NRG3: variants seen among roughly 807,000 people sequenced by gnomAD.
NRG3 encodes the protein pro-neuregulin-3, membrane-bound isoform.
A neutral mutation model predicts 66.9 loss-of-function variants in NRG3; 31 were observed. That is an observed-to-expected ratio of 0.46 (90% CI 0.35 to 0.63). The LOEUF (loss-of-function observed/expected upper bound fraction) is 0.63, where lower values mean the gene tolerates loss of function less well. Ranked by LOEUF, NRG3 falls within the 20% of genes least tolerant of loss-of-function variation. The pLI is 0.00. For missense variants in NRG3, 910 were observed against 878.9 expected (o/e 1.04, Z -0.45); for synonymous variants, 393 against 359.4 (o/e 1.09, Z -1.06).
At position 82,217,829 on chromosome 10, in the gene NRG3, G is replaced by T. The variant is rs114204625; in HGVS notation, c.824-140910G>T. On this transcript the variant is annotated intron_variant, in intron 1 of 8. Coordinates refer to ENST00000372141, the MANE Select transcript of NRG3 (RefSeq NM_001010848.4). Reference sequence around the variant, plus strand: ...GGCAGTAATACATCCTTTGAAGAATGAAGTGTTATTAAAATTTCATTCCAT... The same window carrying T: ...GGCAGTAATACATCCTTTGAAGAATTAAGTGTTATTAAAATTTCATTCCAT... Among the ~76,000 whole-genome samples the T allele has an allele frequency of 8.6e-3, 1,304 of 152,188 alleles. 22 individuals carry two copies. The highest frequency in any genetic ancestry group is 0.029 in the African/African-American group (1,224 of 41,510).
chr10:82,567,734 C>A (rs1195780790), intron 2 of NRG3, among the ~76,000 whole-genome samples: 2 of 151,946 alleles, frequency 1.3e-5, no homozygotes, highest in Non-Finnish European at 2.9e-5. Context: ...ATTGAATTGT[C>A]CTAAATCCTG....
chr10:82,169,736 T>G (rs570586692), intron 1 of NRG3, among the ~76,000 whole-genome samples: 1 of 151,992 alleles, frequency 6.6e-6, no homozygotes, highest in South Asian at 2.1e-4. Flanking sequence ...TAATATTCAT[T>G]TATTTTTATT....
intron 1 of NRG3, among the ~76,000 whole-genome samples, chr10:82,287,926 C>T (rs533698209): frequency 2.4e-4 from 37 of 152,280 alleles, no homozygotes; most frequent in Admixed American, 5.9e-4. Flanking sequence ...TCATGATTAT[C>T]GGGAGTAAAT....
chr10:82,440,872 G>C (rs2090399616), intron 2 of NRG3, among the ~76,000 whole-genome samples: 1 of 152,124 alleles, frequency 6.6e-6, no homozygotes. Context: ...TAAATCTTAA[G>C]AGCAATCCAA....
At chr10:82,452,827 A>T (rs978719469) in intron 2 of NRG3, among the ~76,000 whole-genome samples, 8 of 152,162 alleles carry the variant, frequency 5.3e-5, no homozygotes, top group Admixed American at 2.6e-4. Context: ...TTTGCCCAAC[A>T]TCCATTGAGC....
chr10:82,830,048 C>T (rs1265459718), intron 3 of NRG3, among the ~76,000 whole-genome samples: 2 of 152,148 alleles, frequency 1.3e-5, no homozygotes, highest in African/African-American at 4.8e-5. Context: ...GATCTTTGAT[C>T]CAAGTTAAAG....
chr10:82,366,889 C>T (rs2135698477), intron 2 of NRG3, among the ~76,000 whole-genome samples: 1 of 152,170 alleles, frequency 6.6e-6, no homozygotes, highest in East Asian at 1.9e-4. Context: ...TTCTTAATGG[C>T]ATAAAATAAA....
At chr10:82,815,165 T>C (rs1479651639) in intron 3 of NRG3, among the ~76,000 whole-genome samples, 3 of 152,240 alleles carry the variant, frequency 2.0e-5, no homozygotes, top group Non-Finnish European at 4.4e-5. Context: ...TTTTTAAAAT[T>C]TGCTATGGCA....
intron 2 of NRG3, among the ~76,000 whole-genome samples, chr10:82,426,411 A>C (rs1036218550): frequency 6.6e-6 from 1 of 151,462 alleles, no homozygotes; most frequent in African/African-American, 2.4e-5. Flanking sequence ...CTATGTATTC[A>C]AATGTGTCTC....
intron 1 of NRG3, among the ~76,000 whole-genome samples, chr10:81,994,478 A>G (rs886873264): frequency 6.6e-6 from 1 of 152,086 alleles, no homozygotes; most frequent in Non-Finnish European, 1.5e-5. Context: ...TTTAAACCTG[A>G]CTTTCTAGTA....
chr10:82,870,865 C>T (rs750210194), intron 4 of NRG3, among the ~76,000 whole-genome samples: 19 of 152,112 alleles, frequency 1.2e-4, no homozygotes, highest in Admixed American at 4.6e-4. Flanking sequence ...TGTCATTCTG[C>T]GGCTTTTCCC....
In NRG3 at chr10:81,875,937, G is replaced by T; in HGVS notation, c.597G>T (p.Pro199=). The T allele has an allele frequency of 6.2e-7, 1 of 1,613,700 alleles. No individual in the cohort carries two copies. The change falls in exon 1 of 9, where the codon CCG becomes CCT. Residue 199 remains proline, a synonymous_variant. Transcript: ENST00000372141. This position sits in a 1 kb window ranked among gnomAD's most constrained non-coding sequence, Gnocchi z 5.3. ...CGACGGTCCCGTCCACCACGGCCCC[G>T]TTCTTCAGTAGCAGCACGCTGGGCT... ...APATVPSTTA[P]FFSSSTLGSR...
chr10:82,196,908 T>C (rs2074480022), intron 1 of NRG3, among the ~76,000 whole-genome samples: 1 of 152,200 alleles, frequency 6.6e-6, no homozygotes. Flanking sequence ...CATATTTAGA[T>C]TTATTCCTGG....
intron 1 of NRG3, among the ~76,000 whole-genome samples, chr10:82,255,138 C>T (rs1289943124): frequency 6.6e-6 from 1 of 152,190 alleles, no homozygotes; most frequent in African/African-American, 2.4e-5. Flanking sequence ...CACTTTACAT[C>T]TGTAGTCTTC....
chr10:82,711,099 G>C (rs2056638170), intron 2 of NRG3, among the ~76,000 whole-genome samples: 1 of 152,136 alleles, frequency 6.6e-6, no homozygotes, highest in Admixed American at 6.5e-5. Context: ...ATTAATTAGA[G>C]ACAGGGTCTC....
chr10:82,173,163 C>A (rs2072760988), intron 1 of NRG3, among the ~76,000 whole-genome samples: 1 of 151,980 alleles, frequency 6.6e-6, no homozygotes, highest in Admixed American at 6.6e-5. Flanking sequence ...ATGTTAGTGG[C>A]ATGGAAGTAT....
At chr10:82,077,738 A>G (rs1370889086) in intron 1 of NRG3, among the ~76,000 whole-genome samples, 1 of 152,264 alleles carries the variant, frequency 6.6e-6, no homozygotes, top group Non-Finnish European at 1.5e-5. Flanking sequence ...TGTGTTGCCA[A>G]CATAACTTTT....
At chr10:82,927,025 A>G (rs2224627) in intron 4 of NRG3, among the ~76,000 whole-genome samples, 56,949 of 151,758 alleles carry the variant, frequency 0.38, 11,060 homozygotes, top group East Asian at 0.62. Flanking sequence ...CCTCAGCACC[A>G]TCACTACTTG....
At chr10:82,690,394 C>A (rs2054836829) in intron 2 of NRG3, among the ~76,000 whole-genome samples, 1 of 152,012 alleles carries the variant, frequency 6.6e-6, no homozygotes, top group Admixed American at 6.6e-5. Context: ...CCCTTCAGCT[C>A]CTGCTAAGCT....
Sources: allele counts gnomAD v4.1 joint callset (sites outside exome capture counted in the v4.1 genomes callset), GRCh38; gene constraint gnomAD v4.1.1; non-coding constraint Gnocchi (gnomAD v3.1); transcripts MANE v1.5; gene names NCBI Gene and HGNC (gene_info 2026-07-23, HGNC 2026-07-21).